ITPR1: variants seen among roughly 807,000 people sequenced by gnomAD.
The protein encoded by ITPR1 is inositol 1,4,5-trisphosphate-gated calcium channel ITPR1.
Under a neutral mutation model 318.4 loss-of-function variants are expected in ITPR1, and 96 were observed. That is an observed-to-expected ratio of 0.30 (90% CI 0.26 to 0.36). The LOEUF is 0.36. Ranked by LOEUF, ITPR1 falls within the 10% of genes least tolerant of loss-of-function variation. The pLI is 1.00. For synonymous variants in ITPR1, 1,312 were observed against 1,289.9 expected (o/e 1.02, Z -0.37); for missense variants, 2,440 against 3,460.2 (o/e 0.71, Z 7.40).
rs745621314 is a variant in ITPR1, at chr3:4,779,555, T to C, written c.6297T>C (p.Asn2099=). 3 of 1,611,230 alleles carry C rather than the reference T, an allele frequency of 1.9e-6. No individual in the cohort carries two copies. The East Asian group carries it at 6.7e-5, about 36-fold the overall frequency. ...CCCTTTGTTTCTCCAACTAGAACAA[T>C]GCCTCGAAGTTGCTCCTGGCCATCA... is the stretch of plus-strand genomic sequence containing the variant. ...RMDLVLELKN[N]ASKLLLAIME... Residue 2099 remains asparagine (N), a synonymous_variant, in exon 49 of 62, where the codon AAT becomes AAC. Transcript: ENST00000649015. The surrounding 1 kb of genome is among the most constrained non-coding windows in gnomAD (Gnocchi z 4.0).
At chr3:4,706,104 G>C (rs1194000222) in intron 36 of ITPR1, 63 bp from the exon 37 acceptor site, 1 of 1,574,378 alleles carries the variant, frequency 6.4e-7, no homozygotes, top group Admixed American at 1.7e-5. Flanking sequence ...AGGGCATTAC[G>C]TCCATCTGTA....
chr3:4,746,013 G>A (rs1362520881), intron 44 of ITPR1, among the ~76,000 whole-genome samples: 1 of 152,184 alleles, frequency 6.6e-6, no homozygotes, highest in Non-Finnish European at 1.5e-5. Context: ...CAGATAGTTG[G>A]CACTGTGAAT....
At chr3:4,681,286 C>T in intron 25 of ITPR1, 78 bp from the exon 26 acceptor site, 5 of 1,015,814 alleles carry the variant, frequency 4.9e-6, no homozygotes, top group Non-Finnish European at 7.8e-6. Flanking sequence ...CTTTACCCTG[C>T]AAAACTTATG....
chr3:4,551,002 G>A (rs190187187), intron 4 of ITPR1, among the ~76,000 whole-genome samples: 1 of 152,280 alleles, frequency 6.6e-6, no homozygotes, highest in African/African-American at 2.4e-5. Context: ...AGTGCTGCCT[G>A]CCTTTGTGTT....
chr3:4,770,689 T>G (rs3792503), intron 46 of ITPR1, among the ~76,000 whole-genome samples: 2 of 152,224 alleles, frequency 1.3e-5, no homozygotes, highest in Non-Finnish European at 2.9e-5. Context: ...TTAGTTTTCT[T>G]GTCAGTTGCT....
At chr3:4,545,935 G>A (rs1247589334) in intron 4 of ITPR1, among the ~76,000 whole-genome samples, 1 of 151,970 alleles carries the variant, frequency 6.6e-6, no homozygotes, top group Non-Finnish European at 1.5e-5. Flanking sequence ...GAGCTCAAGC[G>A]ATCCTCCTGC....
intron 30 of ITPR1, among the ~76,000 whole-genome samples, chr3:4,687,135 G>GA (rs1386319769): frequency 6.6e-6 from 1 of 152,176 alleles, no homozygotes; most frequent in Non-Finnish European, 1.5e-5. Flanking sequence ...CACCTGTTTT[G>GA]AACAGCATAT....
rs573758312 is a variant in ITPR1, at chr3:4,663,382, CAGAG to C, written c.1554+183_1554+186del. 1.3e-3 allele frequency among the ~76,000 whole-genome samples: 194 copies of C among 152,164 alleles called. 3 individuals carry two copies. Among genetic ancestry groups the C allele is most frequent in the Non-Finnish European group, 6.5e-4 (44 of 67,998 alleles). On this transcript the variant is annotated intron_variant, in intron 16 of 61. Coordinates refer to ENST00000649015, the MANE Select transcript of ITPR1 (RefSeq NM_001378452.1). ...CATCACTGCCCTCCAGCCTGGGTGA[CAGAG>C]AGAGAGCCTGTCTCAAAAGAGAAAG...
chr3:4,593,422 C>T (rs565065829), intron 4 of ITPR1, among the ~76,000 whole-genome samples: 4 of 152,242 alleles, frequency 2.6e-5, no homozygotes, highest in African/African-American at 7.2e-5. Context: ...CTCAAGAAGG[C>T]GAGAGATCAG....
chr3:4,649,603 C>G (rs1297972563), intron 10 of ITPR1, among the ~76,000 whole-genome samples: 1 of 152,202 alleles, frequency 6.6e-6, no homozygotes, highest in African/African-American at 2.4e-5. Context: ...TAAACAGAAT[C>G]CTATCATATA....
intron 60 of ITPR1, among the ~76,000 whole-genome samples, chr3:4,824,954 G>C (rs1053996444): frequency 1.3e-5 from 2 of 152,184 alleles, no homozygotes; most frequent in African/African-American, 4.8e-5. Flanking sequence ...TTGAAACAGG[G>C]AATGACATGT....
intron 4 of ITPR1, among the ~76,000 whole-genome samples, chr3:4,524,393 G>C (rs2082816053): frequency 7.1e-6 from 1 of 140,424 alleles, no homozygotes; most frequent in Non-Finnish European, 1.5e-5. Context: ...GTGTATTTTG[G>C]AGCTGAAGTC....
At chr3:4,695,996 C>T (rs1306741681) in intron 33 of ITPR1, among the ~76,000 whole-genome samples, 1 of 152,128 alleles carries the variant, frequency 6.6e-6, no homozygotes, top group Non-Finnish European at 1.5e-5. Context: ...ATGGTTGCTC[C>T]AGTTACCATT....
chr3:4,824,183 G>A (rs1362264974), intron 60 of ITPR1, among the ~76,000 whole-genome samples: 5 of 152,150 alleles, frequency 3.3e-5, no homozygotes, highest in South Asian at 2.1e-4. Context: ...CAGCGCTGCC[G>A]TTTCTGGAGG....
chr3:4,679,940 CGTGA>C (rs2094263971), intron 24 of ITPR1, among the ~76,000 whole-genome samples: 1 of 151,938 alleles, frequency 6.6e-6, no homozygotes, highest in South Asian at 2.1e-4. Flanking sequence ...GAAGGAAGAA[CGTGA>C]GTGAGATCCC....
chr3:4,735,694 C>A, intron 44 of ITPR1: 1 of 246,852 alleles, frequency 4.1e-6, no homozygotes, highest in East Asian at 9.2e-5. Context: ...AGTTTTTATC[C>A]AAGATTGTAG....
intron 44 of ITPR1, among the ~76,000 whole-genome samples, chr3:4,755,284 A>G (rs759991564): frequency 6.6e-6 from 1 of 150,870 alleles, no homozygotes; most frequent in Non-Finnish European, 1.5e-5. Flanking sequence ...CACGCTGCTT[A>G]CCAGATAGGG....
intron 4 of ITPR1, among the ~76,000 whole-genome samples, chr3:4,523,573 C>A (rs304022): frequency 0.89 from 135,278 of 152,146 alleles, 60,210 homozygotes; most frequent in South Asian, 0.96. Context: ...CTTGGCCAAC[C>A]TCTCAATCCT....
chr3:4,777,386 T>C lies in ITPR1; in HGVS notation c.6291+12T>C, dbSNP rs762145805. 1.3e-6 allele frequency: 2 copies of C among 1,509,178 alleles called. No homozygotes were observed. Among genetic ancestry groups the C allele is most frequent in the Admixed American group, 1.8e-5 (1 of 55,260 alleles). The allele number at this position is 1,509,178 out of a possible 1,614,324, so 93.5% of individuals were successfully genotyped here. The stretch of plus-strand genomic sequence containing the variant: ...TGTTAGAACTGAAGGCAAGTAGGAA[T>C]TAAAAGCAGAAGACAGTCATTTGGA... On this transcript the variant is annotated intron_variant, in intron 48 of 61. Coordinates refer to ENST00000649015, the MANE Select transcript of ITPR1 (RefSeq NM_001378452.1).
Sources: allele counts gnomAD v4.1 joint callset (sites outside exome capture counted in the v4.1 genomes callset), GRCh38; gene constraint gnomAD v4.1.1; non-coding constraint Gnocchi (gnomAD v3.1); transcripts MANE v1.5; gene names NCBI Gene and HGNC (gene_info 2026-07-23, HGNC 2026-07-21).